LRRC4C: variants seen among roughly 807,000 people sequenced by gnomAD.
LRRC4C encodes the protein leucine-rich repeat-containing protein 4C.
In LRRC4C, 5 loss-of-function variants were observed where a neutral mutation model predicts 33.6. The observed-to-expected ratio is 0.15, with a 90% CI of 0.08 to 0.31. The LOEUF (loss-of-function observed/expected upper bound fraction) is 0.31, where lower values mean the gene tolerates loss of function less well. LRRC4C is among the 10% of genes least tolerant of loss of function. The pLI, the probability that LRRC4C is intolerant of heterozygous loss-of-function variation, is 1.00. For synonymous variants in LRRC4C, 329 were observed against 302.0 expected, an observed-to-expected ratio of 1.09 and a Z score of -0.93; for missense variants, 560 against 796.7, an observed-to-expected ratio of 0.70 and a Z score of 3.58.
At chr11:40,141,883 T>C (rs190211820) in intron 5 of LRRC4C, among the ~76,000 whole-genome samples, 1 of 150,124 alleles carries the variant, frequency 6.7e-6, no homozygotes, top group East Asian at 1.9e-4. Flanking sequence ...TCAAATGTCA[T>C]AGCAATATAT....
intron 2 of LRRC4C, among the ~76,000 whole-genome samples, chr11:40,701,388 G>A (rs1214199374): frequency 6.6e-6 from 1 of 151,788 alleles, no homozygotes; most frequent in Non-Finnish European, 1.5e-5. Flanking sequence ...AGATACTAAT[G>A]TTTAACAACA....
chr11:41,321,844 T>C (rs556190622), intron 1 of LRRC4C, among the ~76,000 whole-genome samples: 3 of 152,210 alleles, frequency 2.0e-5, no homozygotes, highest in Non-Finnish European at 4.4e-5. Flanking sequence ...AGCCCACATA[T>C]CTAAACTGTT....
intron 1 of LRRC4C, among the ~76,000 whole-genome samples, chr11:41,140,119 G>A (rs930865566): frequency 3.9e-5 from 6 of 152,114 alleles, no homozygotes; most frequent in African/African-American, 9.7e-5. Context: ...TTCTTCATCC[G>A]TAAGATGGCA....
intron 1 of LRRC4C, among the ~76,000 whole-genome samples, chr11:41,368,826 T>C (rs1416558028): frequency 2.0e-5 from 3 of 152,196 alleles, no homozygotes; most frequent in African/African-American, 4.8e-5. Context: ...CTATCTATCA[T>C]TTGTTGCAGG....
intron 2 of LRRC4C, among the ~76,000 whole-genome samples, chr11:40,787,082 G>T (rs1950440171): frequency 6.6e-6 from 1 of 152,126 alleles, no homozygotes; most frequent in African/African-American, 2.4e-5. Flanking sequence ...GAGCTGAAGA[G>T]CCACATAGTA....
intron 1 of LRRC4C, among the ~76,000 whole-genome samples, chr11:41,352,481 C>T (rs1208262075): frequency 1.3e-5 from 2 of 152,060 alleles, no homozygotes; most frequent in Admixed American, 6.6e-5. Flanking sequence ...CTAACAAAGA[C>T]ATTTGGGACT....
At chr11:40,851,331 G>A (rs752788649) in intron 2 of LRRC4C, among the ~76,000 whole-genome samples, 1 of 152,148 alleles carries the variant, frequency 6.6e-6, no homozygotes, top group Non-Finnish European at 1.5e-5. Flanking sequence ...TAGCATCTGG[G>A]TCAGAGAGCA....
intron 1 of LRRC4C, among the ~76,000 whole-genome samples, chr11:41,201,269 A>G (rs911534881): frequency 6.6e-6 from 1 of 152,196 alleles, no homozygotes; most frequent in Non-Finnish European, 1.5e-5. Flanking sequence ...AAAGAAACTG[A>G]ACAGTAGCTG....
chr11:40,147,934 C>G (rs1857879809), intron 5 of LRRC4C, among the ~76,000 whole-genome samples: 1 of 152,012 alleles, frequency 6.6e-6, no homozygotes, highest in Non-Finnish European at 1.5e-5. Context: ...GTGTTGTTCC[C>G]CTCTGTGTGT....
rs923215352 is a variant in LRRC4C, at chr11:40,316,355, A to G, written c.-176+3273T>C. Among the ~76,000 whole-genome samples, 12 of 152,068 alleles carry G rather than the reference A, an allele frequency of 7.9e-5. 1 individual carries two copies. The highest frequency in any genetic ancestry group is 6.5e-4 in the Admixed American group (10 of 15,270). Reference sequence around the variant, plus strand: ...GATGTCTAGTTTTTGTGAATGAATCAGAAACCTGACAAGGCTGTTTGGAAC... The same window carrying G: ...GATGTCTAGTTTTTGTGAATGAATCGGAAACCTGACAAGGCTGTTTGGAAC... On this transcript the variant is annotated intron_variant, in intron 4 of 6. Transcript: ENST00000528697.
chr11:41,456,978 G>A (rs117726195), intron 1 of LRRC4C, among the ~76,000 whole-genome samples: 4,082 of 152,284 alleles, frequency 0.027, 93 homozygotes, highest in Middle Eastern at 0.095. Flanking sequence ...AAAATCCTGA[G>A]TTGGCCCCCA....
At chr11:40,651,693 A>C (rs1942814326) in intron 2 of LRRC4C, among the ~76,000 whole-genome samples, 1 of 152,166 alleles carries the variant, frequency 6.6e-6, no homozygotes, top group South Asian at 2.1e-4. Context: ...AAATCTACAG[A>C]ATTTACAACT....
At chr11:40,857,969 G>GGGAAAA (rs1476117551) in intron 2 of LRRC4C, among the ~76,000 whole-genome samples, 1 of 73,752 alleles carries the variant, frequency 1.4e-5, no homozygotes, top group Non-Finnish European at 3.7e-5. Flanking sequence ...GAAAGGGAAA[G>GGGAAAA]GGAAAGGGAA....
At chr11:40,859,265 C>T (rs192570232) in intron 2 of LRRC4C, among the ~76,000 whole-genome samples, 110 of 152,130 alleles carry the variant, frequency 7.2e-4, no homozygotes, top group African/African-American at 2.6e-3. Flanking sequence ...ACTCAGAAAG[C>T]AAGGTCAGAT....
At chr11:41,448,858 T>G (rs1474740615) in intron 1 of LRRC4C, among the ~76,000 whole-genome samples, 1 of 152,226 alleles carries the variant, frequency 6.6e-6, no homozygotes, top group African/African-American at 2.4e-5. Context: ...AATATTTTTA[T>G]AATAAATGTA....
intron 1 of LRRC4C, among the ~76,000 whole-genome samples, chr11:41,269,562 T>C (rs1949257088): frequency 6.6e-6 from 1 of 151,956 alleles, no homozygotes; most frequent in African/African-American, 2.4e-5. Context: ...AGGGAGAAGG[T>C]AGTCTGGCTT....
intron 3 of LRRC4C, among the ~76,000 whole-genome samples, chr11:40,343,006 A>G (rs1182339072): frequency 6.6e-6 from 1 of 151,916 alleles, no homozygotes; most frequent in Non-Finnish European, 1.5e-5. Flanking sequence ...CTAACTTGCT[A>G]CCGCATTTTT....
intron 1 of LRRC4C, among the ~76,000 whole-genome samples, chr11:41,153,703 C>T (rs1312608106): frequency 6.6e-6 from 1 of 152,090 alleles, no homozygotes; most frequent in African/African-American, 2.4e-5. Flanking sequence ...TAAACCTGCA[C>T]TGTTAGAAAT....
chr11:41,020,246 GAAT>G, intron 1 of LRRC4C, among the ~76,000 whole-genome samples: 1 of 152,098 alleles, frequency 6.6e-6, no homozygotes, highest in East Asian at 1.9e-4. Flanking sequence ...GCTTTTTACT[GAAT>G]AAAACAATAA....
Sources: allele counts gnomAD v4.1 joint callset (sites outside exome capture counted in the v4.1 genomes callset), GRCh38; gene constraint gnomAD v4.1.1; transcripts MANE v1.5; gene names NCBI Gene and HGNC (gene_info 2026-07-23, HGNC 2026-07-21).